The following HEXB variants were observed in gnomAD, a reference collection of about 807,000 sequenced individuals.
HEXB encodes the protein hexosaminidase subunit beta, also known as beta-hexosaminidase subunit beta.
Under a neutral mutation model 71.2 loss-of-function variants are expected in HEXB, and 51 were observed. The observed-to-expected ratio is 0.72, with a 90% confidence interval of 0.57 to 0.90. The LOEUF is 0.90. HEXB is among the 40% of genes least tolerant of loss of function. The probability of loss-of-function intolerance (pLI) is 0.00; values close to 1 mark genes in which losing one functional copy is unlikely to be tolerated. For missense variants in HEXB, 617 were observed against 677.0 expected (o/e 0.91, Z 0.98); for synonymous variants, 266 against 249.3 (o/e 1.07, Z -0.63).
Position 74,718,846 on chromosome 5 carries a change from A to AG in HEXB, c.1294dup (p.Glu432GlyfsTer4), listed in dbSNP as rs775920504. The AG allele has an allele frequency of 5.6e-6, 9 of 1,614,156 alleles. No homozygotes were observed. The Admixed American group carries it at 1.3e-4, about 24-fold the overall frequency. ...GTATGGAAAGACAGCGCATATCCTGAGGAACTCAGTAGAGTCACAGCATCT... is the reference window on the plus strand; with the variant it reads ...GTATGGAAAGACAGCGCATATCCTGAGGGAACTCAGTAGAGTCACAGCATCT... On this transcript the variant is annotated frameshift_variant, in exon 11 of 14. Transcript: ENST00000261416. LOFTEE classifies it high-confidence loss of function.
intron 1 of HEXB, among the ~76,000 whole-genome samples, chr5:74,676,494 G>T (rs764416052): frequency 4.6e-5 from 7 of 152,208 alleles, no homozygotes; most frequent in Non-Finnish European, 7.3e-5. Context: ...GGGGCTGGGT[G>T]CAGTGGCTCA....
intron 1 of HEXB, among the ~76,000 whole-genome samples, chr5:74,663,187 T>A (rs993173782): frequency 9.0e-6 from 1 of 110,562 alleles, no homozygotes; most frequent in East Asian, 2.1e-4. Flanking sequence ...TTTTTCCTTT[T>A]TTTTGGGGGG....
rs1747882868 is a variant in HEXB at position 74,641,428 on chromosome 5, C to T, written c.-377+870C>T. ...GCGGCACCCCCGGCTGGACTCTGCCCTAAGCCAGGCGACTGCAGGGGCAGC... is the reference window on the plus strand; with the variant it reads ...GCGGCACCCCCGGCTGGACTCTGCCTTAAGCCAGGCGACTGCAGGGGCAGC... On this transcript the variant is annotated intron_variant, in intron 1 of 13. Transcript: ENST00000511181. This position sits in a 1 kb window ranked among gnomAD's most constrained non-coding sequence, Gnocchi z 4.1. 1 of 152,338 alleles carries T rather than the reference C, an allele frequency of 6.6e-6. No individual in the cohort carries two copies. Among genetic ancestry groups the T allele is most frequent in the Admixed American group, 6.5e-5 (1 of 15,296 alleles). The allele number at this position is 152,338 out of a possible 1,614,324, so 9.4% of individuals were successfully genotyped here.
At chr5:74,676,710 G>A (rs1422533414) in intron 1 of HEXB, among the ~76,000 whole-genome samples, 1 of 152,052 alleles carries the variant, frequency 6.6e-6, no homozygotes, top group Non-Finnish European at 1.5e-5. Context: ...AGGTTGCAGT[G>A]AGCTGAGATT....
At chr5:74,664,873 C>A (rs1406863669) in intron 1 of HEXB, among the ~76,000 whole-genome samples, 1 of 152,184 alleles carries the variant, frequency 6.6e-6, no homozygotes, top group Non-Finnish European at 1.5e-5. Context: ...ATGAGAGGAC[C>A]TAGCACCTGC....
In HEXB at chr5:74,721,153, A is replaced by T. The variant is rs1272717079; in HGVS notation, c.1649A>T (p.Tyr550Phe). The T allele has an allele frequency of 1.2e-6, 2 of 1,613,188 alleles. No individual in the cohort carries two copies. The highest frequency in any genetic ancestry group is 2.7e-5 in the African/African-American group (2 of 74,896). The change falls in exon 14 of 14, where the codon TAT becomes TTT. Residue 550 changes from tyrosine to phenylalanine, a missense_variant. Physicochemically the swap from Tyr to Phe is conservative, Grantham distance 22. Coordinates refer to ENST00000261416, the MANE Select transcript of HEXB (RefSeq NM_000521.4). ...GIAAQPLYAGYCNHENM is the reference protein window; with the variant it reads ...GIAAQPLYAGFCNHENM Reference sequence around the variant, plus strand: ...GCTGCACAACCTCTTTATGCTGGATATTGTAACCATGAGAACATGTAAAAA... The same window carrying T: ...GCTGCACAACCTCTTTATGCTGGATTTTGTAACCATGAGAACATGTAAAAA...
intron 1 of HEXB, among the ~76,000 whole-genome samples, chr5:74,687,879 C>T (rs1010376929): frequency 1.7e-4 from 26 of 152,150 alleles, no homozygotes; most frequent in African/African-American, 5.5e-4. Flanking sequence ...CAGAATTTTC[C>T]GACCTCTTCT....
intron 3 of HEXB, among the ~76,000 whole-genome samples, chr5:74,694,248 C>T (rs2112136739): frequency 6.6e-6 from 1 of 152,318 alleles, no homozygotes; most frequent in Non-Finnish European, 1.5e-5. Context: ...TCCTGCAGTG[C>T]TGTAATTCAT....
chr5:74,671,991 C>T (rs1561208732), intron 1 of HEXB, among the ~76,000 whole-genome samples: 1 of 152,198 alleles, frequency 6.6e-6, no homozygotes, highest in Admixed American at 6.5e-5. Flanking sequence ...TTGGTTATTC[C>T]TGCTTCTGTG....
chr5:74,697,079 G>C lies in HEXB; in HGVS notation c.642G>C (p.Leu214=). ...GILIDTSRHY[L]PVKIILKTLD... ...TGATTGATACATCCAGACATTATCT[G>C]CCAGTTAAGATTATTCTTAAAACTC... Residue 214 remains leucine, a synonymous_variant, in exon 5 of 14, where the codon CTG becomes CTC. Transcript: ENST00000261416. The C allele has an allele frequency of 6.5e-7, 1 of 1,531,502 alleles. No individual in the cohort carries two copies. Among genetic ancestry groups the C allele is most frequent in the Non-Finnish European group, 9.0e-7 (1 of 1,105,454 alleles). 94.9% of individuals were successfully genotyped at this position (1,531,502 alleles called of 1,614,324 possible).
chr5:74,712,972 C>T (rs1471104878), intron 6 of HEXB, among the ~76,000 whole-genome samples: 1 of 151,888 alleles, frequency 6.6e-6, no homozygotes, highest in African/African-American at 2.4e-5. Flanking sequence ...ATTTTTCAAG[C>T]TTATAGTAAT....
chr5:74,646,803 G>A (rs565006200), intron 1 of HEXB, among the ~76,000 whole-genome samples: 20 of 152,048 alleles, frequency 1.3e-4, no homozygotes, highest in Admixed American at 5.9e-4. Context: ...TCCTGACCTC[G>A]TGATACACCC....
chr5:74,685,611 A>T (rs1748848631), intron 1 of HEXB, 52 bp downstream of exon 1: 1 of 1,479,488 alleles, frequency 6.8e-7, no homozygotes, highest in African/African-American at 1.4e-5. Context: ...GGAGAGGCGG[A>T]CCACCCCGGA....
chr5:74,706,736 G>C (rs1407008530), intron 6 of HEXB, among the ~76,000 whole-genome samples: 1 of 152,202 alleles, frequency 6.6e-6, no homozygotes, highest in African/African-American at 2.4e-5. Context: ...CGGCAGCGAG[G>C]CTGGGGGAGG....
intron 8 of HEXB, among the ~76,000 whole-genome samples, chr5:74,716,089 C>T (rs939752469): frequency 1.3e-5 from 2 of 150,478 alleles, no homozygotes; most frequent in African/African-American, 4.9e-5. Context: ...GGGCTCCACA[C>T]CATAAGGAAG....
chr5:74,642,681 G>A (rs749128696), intron 1 of HEXB, among the ~76,000 whole-genome samples: 23 of 152,018 alleles, frequency 1.5e-4, no homozygotes, highest in Admixed American at 8.5e-4. Flanking sequence ...CAGCTGGTTG[G>A]TTGGGGATTT....
At position 74,697,435 on chromosome 5, in the gene HEXB, T is replaced by C. The variant is rs191288272; in HGVS notation, c.669+329T>C. On this transcript the variant is annotated intron_variant, in intron 5 of 13. Coordinates refer to ENST00000261416, the MANE Select transcript of HEXB (RefSeq NM_000521.4). ...ATGTGTCTAGACTTTTGATTAGGAA[T>C]ACATGGCCACCCAGGTGCGGTGGCT... Among the ~76,000 whole-genome samples the C allele has an allele frequency of 4.6e-5, 7 of 152,256 alleles. No individual in the cohort carries two copies. In the East Asian group the frequency reaches 1.4e-3, roughly 29 times the overall value.
At chr5:74,647,526 C>T (rs570601219) in intron 1 of HEXB, among the ~76,000 whole-genome samples, 10 of 152,304 alleles carry the variant, frequency 6.6e-5, no homozygotes, top group East Asian at 1.9e-4. Context: ...GACACTGATG[C>T]GTGTGTTGTC....
chr5:74,667,867 C>T (rs998526549), intron 1 of HEXB, among the ~76,000 whole-genome samples: 1 of 152,126 alleles, frequency 6.6e-6, no homozygotes, highest in African/African-American at 2.4e-5. Flanking sequence ...AGTGTGGATT[C>T]CTGATTAAGG....
Sources: allele counts gnomAD v4.1 joint callset (sites outside exome capture counted in the v4.1 genomes callset), GRCh38; gene constraint gnomAD v4.1.1; non-coding constraint Gnocchi (gnomAD v3.1); transcripts MANE v1.5; gene names NCBI Gene and HGNC (gene_info 2026-07-23, HGNC 2026-07-21).